The following VASP variants were observed in gnomAD, a reference collection of about 807,000 sequenced individuals.
VASP encodes vasodilator stimulated phosphoprotein.
VASP carries 27 observed loss-of-function variants against 54.4 expected under a neutral mutation model. That is an observed-to-expected ratio of 0.50 (90% CI 0.37 to 0.68). The LOEUF is 0.68. Ranked by LOEUF, VASP falls within the 30% of genes least tolerant of loss-of-function variation. VASP has a pLI of 0.00. For missense variants in VASP, 488 were observed against 528.3 expected (o/e 0.92, Z 0.75); for synonymous variants, 233 against 209.8 (o/e 1.11, Z -0.96).
rs1032226136 is a variant in VASP at position 45,507,616 on chromosome 19, C to G, written c.-156C>G. The G allele has an allele frequency of 1.1e-5, 10 of 907,090 alleles. No individual in the cohort carries two copies. The highest frequency in any genetic ancestry group is 3.5e-4 in the Middle Eastern group (1 of 2,830). 56.2% of individuals were successfully genotyped at this position (907,090 alleles called of 1,614,324 possible). ...CGGCGCCCGGAGACCCGCCCCGGCC[C>G]GGTCCACATTCTCCCCAGGAAGCCG... is the stretch of plus-strand genomic sequence containing the variant. On this transcript the variant is annotated 5_prime_UTR_variant, in exon 1 of 13. Transcript: ENST00000245932. This position sits in a 1 kb window ranked among gnomAD's most constrained non-coding sequence, Gnocchi z 4.4.
chr19:45,511,746 A>G (rs1968603891), intron 1 of VASP, among the ~76,000 whole-genome samples: 1 of 152,202 alleles, frequency 6.6e-6, no homozygotes, highest in Non-Finnish European at 1.5e-5. Context: ...TTTTATAGGT[A>G]ATTTCAACCC....
In VASP at chr19:45,521,422, G is replaced by C; in HGVS notation, c.428+16G>C. 1 of 1,536,932 alleles carries C rather than the reference G, an allele frequency of 6.5e-7. No homozygotes were observed. The highest frequency in any genetic ancestry group is 1.4e-5 in the African/African-American group (1 of 73,072). Reference sequence around the variant, plus strand: ...AGCAGAAAAGGTGGGGCTGGGCCCTGGGTGGGGAACCTTAGCCGCTGCCAG... The same window carrying C: ...AGCAGAAAAGGTGGGGCTGGGCCCTCGGTGGGGAACCTTAGCCGCTGCCAG... On this transcript the variant is annotated intron_variant, in intron 4 of 12. Coordinates refer to ENST00000245932, the MANE Select transcript of VASP (RefSeq NM_003370.4).
At chr19:45,517,056 G>A (rs1002267803) in intron 1 of VASP, among the ~76,000 whole-genome samples, 6 of 151,012 alleles carry the variant, frequency 4.0e-5, no homozygotes, top group African/African-American at 1.5e-4. Flanking sequence ...TACTTGGGAG[G>A]CTGAAGTGGG....
At chr19:45,514,832 G>A (rs369474760) in intron 1 of VASP, among the ~76,000 whole-genome samples, 6 of 152,178 alleles carry the variant, frequency 3.9e-5, no homozygotes, top group African/African-American at 1.4e-4. Flanking sequence ...AAGGGCACCT[G>A]GTGTTTGGGT....
chr19:45,521,748 G>C (rs1168132295), intron 4 of VASP, among the ~76,000 whole-genome samples: 1 of 152,032 alleles, frequency 6.6e-6, no homozygotes, highest in Admixed American at 6.6e-5. Flanking sequence ...AAATTAGCCG[G>C]TCATGGTGGC....
intron 1 of VASP, among the ~76,000 whole-genome samples, chr19:45,517,119 G>A (rs1968719799): frequency 2.7e-5 from 4 of 150,920 alleles, no homozygotes; most frequent in Admixed American, 2.0e-4. Context: ...GGGTGACAGA[G>A]AGCAAGACTC....
intron 10 of VASP, 147 bp from the exon 11 acceptor site, chr19:45,524,423 C>CAAAAA (rs369646184): frequency 9.1e-5 from 60 of 659,414 alleles, no homozygotes; most frequent in South Asian, 1.5e-4. Flanking sequence ...AAACCAAAAC[C>CAAAAA]AAAAAAAAAA....
Position 45,523,862 on chromosome 19 carries a change from G to A in VASP, c.895G>A (p.Val299Ile). ...SANQEEPEARVPAQSESVRRP... is the reference protein window; with the variant it reads ...SANQEEPEARIPAQSESVRRP... ...CCAGCAGGAGGAGCCAGAGGCCAGA[G>A]TCCCGGCCCAGAGTGGTGAGTAGAG... Residue 299 changes from valine (V) to isoleucine (I), a missense_variant, in exon 9 of 13, where the codon GTC (valine) becomes ATC (isoleucine). This residue lies in a region of VASP where 126 missense variants were observed against 134.8 expected (regional missense o/e 0.94). Coordinates refer to ENST00000245932, the MANE Select transcript of VASP (RefSeq NM_003370.4). 1 of 1,613,986 alleles carries A rather than the reference G, an allele frequency of 6.2e-7. No homozygotes were observed. The highest frequency in any genetic ancestry group is 1.1e-5 in the South Asian group (1 of 91,076).
rs1555729735 is a variant in VASP at position 45,526,561 on chromosome 19, A to AT, written c.*384_*385insT. On this transcript the variant is annotated 3_prime_UTR_variant, in exon 13 of 13. Coordinates refer to ENST00000245932, the MANE Select transcript of VASP (RefSeq NM_003370.4). ...AGTTTTGGTTTTTTTAAGAAAAAAA[A>AT]ATATATATATATTTGGGTTTTGGGG... 2.5e-4 allele frequency: 40 copies of AT among 159,520 alleles called. No homozygotes were observed. In the East Asian group the frequency reaches 2.9e-3, roughly 11 times the overall value. 9.9% of individuals were successfully genotyped at this position (159,520 alleles called of 1,614,324 possible).
chr19:45,509,595 G>C (rs1308436084), intron 1 of VASP, among the ~76,000 whole-genome samples: 1 of 152,242 alleles, frequency 6.6e-6, no homozygotes, highest in Non-Finnish European at 1.5e-5. Flanking sequence ...CTGTGGTGGT[G>C]GCCAAGCATC....
chr19:45,518,137 G>T, intron 3 of VASP, 43 bp downstream of exon 3: 1 of 1,594,316 alleles, frequency 6.3e-7, no homozygotes, highest in South Asian at 1.1e-5. Flanking sequence ...GAATGCGGCT[G>T]TGTGGCCTGG....
Position 45,507,843 on chromosome 19 carries a change from TCCCCCC to T in VASP, c.5+69_5+74del. 2.5e-6 allele frequency: 2 copies of T among 809,946 alleles called. No homozygotes were observed. The highest frequency in any genetic ancestry group is 3.2e-6 in the Non-Finnish European group (2 of 629,076). The allele number at this position is 809,946 out of a possible 1,614,324, so 50.2% of individuals were successfully genotyped here. ...GCTCCGCGCCCCGCCTTTGTCCCCC[TCCCCCC>T]CAGCTAGCTCCGGGCTGGAATTTGG... On this transcript the variant is annotated intron_variant, in intron 1 of 12. Coordinates refer to ENST00000245932, the MANE Select transcript of VASP (RefSeq NM_003370.4). The surrounding 1 kb of genome is among the most constrained non-coding windows in gnomAD (Gnocchi z 4.4).
intron 1 of VASP, among the ~76,000 whole-genome samples, chr19:45,510,662 G>A (rs1006795674): frequency 6.7e-4 from 102 of 152,278 alleles, no homozygotes; most frequent in African/African-American, 2.0e-3. Context: ...GCCAGGCGCC[G>A]GGGCTCATGC....
chr19:45,523,592 AGGGGAT>A, intron 7 of VASP, 46 bp from the exon 8 acceptor site: 1 of 1,605,678 alleles, frequency 6.2e-7, no homozygotes, highest in Non-Finnish European at 8.5e-7. Context: ...TCCCCTCAGA[AGGGGAT>A]GGGTTGGGTG....
chr19:45,509,533 C>CCACCAG (rs982314315), intron 1 of VASP, among the ~76,000 whole-genome samples: 15 of 151,262 alleles, frequency 9.9e-5, no homozygotes, highest in East Asian at 7.8e-4. Context: ...ACCACCACCA[C>CCACCAG]CACCAGCACC....
At chr19:45,526,075 G>A (rs1968959095) in intron 12 of VASP, 65 bp from the exon 13 acceptor site, 2 of 1,613,564 alleles carry the variant, frequency 1.2e-6, no homozygotes, top group East Asian at 2.2e-5. Flanking sequence ...CTGGGCAAGA[G>A]CCCTGTTTTG....
At chr19:45,510,216 T>G (rs1968572920) in intron 1 of VASP, among the ~76,000 whole-genome samples, 1 of 148,072 alleles carries the variant, frequency 6.8e-6, no homozygotes, top group African/African-American at 2.5e-5. Flanking sequence ...TCTGGCTGGT[T>G]TTTTTGTTGG....
intron 1 of VASP, among the ~76,000 whole-genome samples, chr19:45,512,787 G>A (rs1968626376): frequency 1.3e-5 from 2 of 151,580 alleles, no homozygotes; most frequent in African/African-American, 2.4e-5. Context: ...TTTTAGTAGA[G>A]ACGGGGTTTC....
chr19:45,514,196 G>A (rs113990109), intron 1 of VASP, among the ~76,000 whole-genome samples: 2,699 of 152,190 alleles, frequency 0.018, 27 homozygotes, highest in Non-Finnish European at 0.026. Flanking sequence ...TCTGGCCTGC[G>A]GGAAGAGCAG....
Sources: gnomAD v4.1 joint callset for allele counts (sites outside exome capture counted in the v4.1 genomes callset) on GRCh38, gnomAD v4.1.1 for gene constraint, gnomAD v4.1.1 regional missense constraint, Gnocchi (gnomAD v3.1) non-coding constraint, MANE v1.5 for transcripts, NCBI Gene and HGNC (gene_info 2026-07-23, HGNC 2026-07-21) for gene names.